Variants in PCDH7 observed in about 807,000 individuals in gnomAD.
PCDH7 encodes protocadherin-7.
PCDH7 carries 17 observed loss-of-function variants against 58.9 expected under a neutral mutation model. That is an observed-to-expected ratio of 0.29 (90% CI 0.20 to 0.43). PCDH7 has a LOEUF of 0.43. Among genes scored for constraint, PCDH7 ranks in the 20% least tolerant of loss-of-function variants. PCDH7 has a pLI of 1.00. For synonymous variants in PCDH7, 664 were observed against 616.4 expected, an observed-to-expected ratio of 1.08 and a Z score of -1.14; for missense variants, 1,274 against 1,441.0, an observed-to-expected ratio of 0.88 and a Z score of 1.88.
downstream of PCDH7, among the ~76,000 whole-genome samples, chr4:30,736,993 A>G (rs1716395299): frequency 6.6e-6 from 1 of 152,128 alleles, no homozygotes; most frequent in African/African-American, 2.4e-5. Context: ...ATTGGGAGTT[A>G]CAGCTTTTGA....
intron 3 of PCDH7, among the ~76,000 whole-genome samples, chr4:31,001,610 G>A (rs1166792919): frequency 6.6e-6 from 1 of 152,022 alleles, no homozygotes; most frequent in African/African-American, 2.4e-5. Flanking sequence ...CTAAAACACG[G>A]TTGACACACT....
intron 1 of PCDH7, among the ~76,000 whole-genome samples, chr4:30,770,005 C>T (rs185148888): frequency 2.6e-5 from 4 of 152,234 alleles, no homozygotes; most frequent in Admixed American, 2.6e-4. Flanking sequence ...CCTGAAGTGG[C>T]CAATCCCGCA....
intron 1 of PCDH7, among the ~76,000 whole-genome samples, chr4:30,911,880 C>CT (rs201806226): frequency 8.5e-4 from 129 of 151,674 alleles, no homozygotes; most frequent in East Asian, 4.9e-3. Context: ...AGAGTAGCTG[C>CT]TTTTTTTAAA....
chr4:30,940,333 ATTTAAAT>A (rs1215503930), intron 2 of PCDH7, among the ~76,000 whole-genome samples: 1 of 151,992 alleles, frequency 6.6e-6, no homozygotes, highest in Non-Finnish European at 1.5e-5. Context: ...GGTCAGTGAA[ATTTAAAT>A]TTTATAAAAT....
chr4:31,144,844 C>T (rs1720575159), downstream of PCDH7: 1 of 151,948 alleles, frequency 6.6e-6, no homozygotes, highest in Non-Finnish European at 1.5e-5. Context: ...AGTAATTGAA[C>T]ATGTTTATGT....
chr4:30,823,851 A>G (rs574576798), intron 1 of PCDH7, among the ~76,000 whole-genome samples: 1 of 152,186 alleles, frequency 6.6e-6, no homozygotes, highest in African/African-American at 2.4e-5. Context: ...AGAATTTCCA[A>G]TTTCTCTAAT....
At chr4:30,786,086 CT>C (rs543114487) in intron 1 of PCDH7, among the ~76,000 whole-genome samples, 2 of 152,106 alleles carry the variant, frequency 1.3e-5, no homozygotes, top group South Asian at 4.1e-4. Flanking sequence ...TTTTTCCAAA[CT>C]AGAAACAAAG....
chr4:30,761,492 CA>C (rs772068584), intron 1 of PCDH7, among the ~76,000 whole-genome samples: 97 of 152,130 alleles, frequency 6.4e-4, no homozygotes, highest in Non-Finnish European at 1.2e-3. Flanking sequence ...AATATTTAAT[CA>C]ATGTAAAATT....
At chr4:31,075,242 T>A (rs989134882) in intron 3 of PCDH7, among the ~76,000 whole-genome samples, 1 of 152,186 alleles carries the variant, frequency 6.6e-6, no homozygotes, top group Non-Finnish European at 1.5e-5. Flanking sequence ...TGCCTGAAAG[T>A]GGTTCTTTTG....
intron 1 of PCDH7, among the ~76,000 whole-genome samples, chr4:30,779,470 A>G (rs1002391535): frequency 3.3e-5 from 5 of 152,220 alleles, no homozygotes; most frequent in Non-Finnish European, 5.9e-5. Flanking sequence ...AAACATTTCT[A>G]GAACTTTCTA....
chr4:30,915,827 C>T (rs75931802), intron 1 of PCDH7, among the ~76,000 whole-genome samples: 1 of 151,996 alleles, frequency 6.6e-6, no homozygotes, highest in South Asian at 2.1e-4. Flanking sequence ...CTGGCCCTCA[C>T]CCTTTTTTTC....
intron 1 of PCDH7, among the ~76,000 whole-genome samples, chr4:30,801,858 G>A (rs1005199384): frequency 7.9e-5 from 12 of 152,148 alleles, no homozygotes; most frequent in African/African-American, 2.9e-4. Context: ...ATCCAATTAT[G>A]TTAATTTATT....
intron 1 of PCDH7, among the ~76,000 whole-genome samples, chr4:30,869,965 C>T (rs944865277): frequency 2.0e-4 from 31 of 151,878 alleles, no homozygotes; most frequent in Admixed American, 4.6e-4. Flanking sequence ...GATTTTTTAA[C>T]GATCGCCATT....
intron 1 of PCDH7, among the ~76,000 whole-genome samples, chr4:30,852,829 G>GAAAAAAAAAAAAAA (rs58210433): frequency 1.3e-5 from 1 of 74,612 alleles, no homozygotes; most frequent in Non-Finnish European, 2.6e-5. Flanking sequence ...TCAAGCACAG[G>GAAAAAAAAAAAAAA]AAAAAAAAAA....
chr4:31,042,094 C>T lies in PCDH7; in HGVS notation c.*7+91879C>T, dbSNP rs947281796. On this transcript the variant is annotated intron_variant, in intron 3 of 3. Coordinates refer to the PCDH7 transcript ENST00000509759. ...TGAGTTAGGGCACTGAGGTTTTCAT[C>T]GGCTGAGTGTGCAGCCTCAGTAATG... 7.9e-5 allele frequency among the ~76,000 whole-genome samples: 12 copies of T among 152,194 alleles called. 1 individual carries two copies. In the South Asian group the frequency reaches 2.1e-3, roughly 26 times the overall value.
intron 1 of PCDH7, chr4:30,724,924 G>A (rs1714393892): frequency 8.3e-6 from 9 of 1,088,766 alleles, no homozygotes; most frequent in Non-Finnish European, 1.0e-5. Context: ...GTATTACTTA[G>A]ATGGTTAGTT....
intron 1 of PCDH7, among the ~76,000 whole-genome samples, chr4:30,901,680 A>C (rs1014488436): frequency 2.6e-5 from 4 of 152,140 alleles, no homozygotes; most frequent in African/African-American, 9.7e-5. Flanking sequence ...CCAACTGCAG[A>C]TAATGTCTGG....
At chr4:30,862,570 C>A (rs978499205) in intron 1 of PCDH7, among the ~76,000 whole-genome samples, 9 of 152,118 alleles carry the variant, frequency 5.9e-5, no homozygotes, top group Non-Finnish European at 1.2e-4. Context: ...ATAACATATT[C>A]TATCCAGTGT....
At chr4:30,998,089 T>C (rs1024227575) in intron 3 of PCDH7, among the ~76,000 whole-genome samples, 8 of 152,196 alleles carry the variant, frequency 5.3e-5, no homozygotes, top group African/African-American at 1.9e-4. Flanking sequence ...AATATGACTT[T>C]TGAAATAGAG....
Sources: allele counts gnomAD v4.1 joint callset (sites outside exome capture counted in the v4.1 genomes callset), GRCh38; gene constraint gnomAD v4.1.1; transcripts MANE v1.5; gene names NCBI Gene and HGNC (gene_info 2026-07-23, HGNC 2026-07-21).